ROCK2: variants seen among roughly 807,000 people sequenced by gnomAD.
ROCK2 encodes Rho associated coiled-coil containing protein kinase 2.
A neutral mutation model predicts 195.1 loss-of-function variants in ROCK2; 61 were observed. The ratio of observed to expected loss-of-function variants is 0.31; its 90% CI spans 0.25 to 0.39. The LOEUF is 0.39. ROCK2 is among the 10% of genes least tolerant of loss of function. The pLI, the probability that ROCK2 is intolerant of heterozygous loss-of-function variation, is 1.00. For missense variants in ROCK2, 1,109 were observed against 1,637.4 expected, an observed-to-expected ratio of 0.68 and a Z score of 5.57; for synonymous variants, 504 against 545.5, an observed-to-expected ratio of 0.92 and a Z score of 1.06.
chr2:11,283,622 A>G (rs1400719199), intron 3 of ROCK2, among the ~76,000 whole-genome samples: 1 of 151,808 alleles, frequency 6.6e-6, no homozygotes, highest in African/African-American at 2.4e-5. Flanking sequence ...AGATATACAG[A>G]TGGCAAATAA....
intron 3 of ROCK2, among the ~76,000 whole-genome samples, chr2:11,253,969 T>C (rs1259295257): frequency 6.6e-6 from 1 of 152,224 alleles, no homozygotes; most frequent in Non-Finnish European, 1.5e-5. Context: ...AATCATAAAA[T>C]GCTACGCCTC....
Position 11,194,354 on chromosome 2 carries a change from CAG to C in ROCK2, c.3520-12_3520-11del. 1 of 1,238,260 alleles carries C rather than the reference CAG, an allele frequency of 8.1e-7. No homozygotes were observed. The highest frequency in any genetic ancestry group is 2.0e-5 in the South Asian group (1 of 50,738). The allele number at this position is 1,238,260 out of a possible 1,614,324, so 76.7% of individuals were successfully genotyped here. ...TGCTTACAATCACATACTGTTAAAA[CAG>C]GGAGAAAAGAAATCAGTAATTCAAG... is the stretch of plus-strand genomic sequence containing the variant. On this transcript the variant is annotated splice_polypyrimidine_tract_variant and intron_variant, in intron 28 of 32. Transcript: ENST00000315872.
intron 17 of ROCK2, among the ~76,000 whole-genome samples, chr2:11,212,080 T>C (rs972463081): frequency 6.6e-6 from 1 of 151,796 alleles, no homozygotes; most frequent in Non-Finnish European, 1.5e-5. Flanking sequence ...CTAATTTATT[T>C]TATTTTATTT....
intron 2 of ROCK2, 73 bp from the exon 3 acceptor site, chr2:11,286,712 A>T: frequency 1.1e-6 from 1 of 930,050 alleles, no homozygotes; most frequent in Non-Finnish European, 1.6e-6. Context: ...ATTTATAAAT[A>T]TATTTTTGTT....
In ROCK2 at chr2:11,308,844, T is replaced by C. The variant is rs559546204; in HGVS notation, c.142-21108A>G. 9.9e-6 allele frequency: 16 copies of C among 1,611,876 alleles called. No individual in the cohort carries two copies. The South Asian group carries it at 1.8e-4, about 18-fold the overall frequency. ...AAACTTGGGCCAAATGTAATAGAAC[T>C]ATACAAGAAACCCACTGACTTTAAA... On this transcript the variant is annotated intron_variant, in intron 1 of 32. Coordinates refer to ENST00000315872, the MANE Select transcript of ROCK2 (RefSeq NM_004850.5).
At chr2:11,195,790 T>C (rs568650773) in intron 27 of ROCK2, among the ~76,000 whole-genome samples, 13 of 152,214 alleles carry the variant, frequency 8.5e-5, no homozygotes, top group Non-Finnish European at 1.9e-4. Context: ...GCTAGGATTA[T>C]AGGCATGAGC....
chr2:11,215,681 T>C, intron 13 of ROCK2, 36 bp from the exon 14 acceptor site: 1 of 1,531,442 alleles, frequency 6.5e-7, no homozygotes, highest in Non-Finnish European at 8.8e-7. Context: ...CAAAAAAGTA[T>C]GTATAAAAAT....
rs1429627024 is a variant in ROCK2 at position 11,214,856 on chromosome 2, T to C, written c.1920A>G (p.Ile640Met). The C allele has an allele frequency of 1.9e-6, 3 of 1,609,286 alleles. No homozygotes were observed. The highest frequency in any genetic ancestry group is 2.5e-6 in the Non-Finnish European group (3 of 1,178,378). Residue 640 changes from isoleucine (I) to methionine (M), a missense_variant, in exon 16 of 33, where the codon ATA (isoleucine) becomes ATG (methionine). Ile to Met is a conservative substitution (Grantham distance 10). This residue lies in a region of ROCK2 where 542 missense variants were observed against 672.0 expected (regional missense o/e 0.81). Coordinates refer to ENST00000315872, the MANE Select transcript of ROCK2 (RefSeq NM_004850.5). Reference sequence around the variant, plus strand: ...CTTCAATACCTTGTAAATCATTAATTATCTCTGATCCATGGGTTCGATCCC... The same window carrying C: ...CTTCAATACCTTGTAAATCATTAATCATCTCTGATCCATGGGTTCGATCCC... Reference protein sequence around the residue: ...ERRDRTHGSEIINDLQGRICG... With the variant: ...ERRDRTHGSEMINDLQGRICG...
chr2:11,331,815 A>G (rs1668776193), intron 1 of ROCK2, among the ~76,000 whole-genome samples: 1 of 152,092 alleles, frequency 6.6e-6, no homozygotes, highest in Non-Finnish European at 1.5e-5. Context: ...AATTCCAGCT[A>G]CTCGGGAGGC....
At chr2:11,293,750 C>A (rs1206290977) in intron 1 of ROCK2, among the ~76,000 whole-genome samples, 2 of 152,066 alleles carry the variant, frequency 1.3e-5, no homozygotes, top group Non-Finnish European at 2.9e-5. Flanking sequence ...AGGGTTCTCC[C>A]TCAAATTTTG....
intron 3 of ROCK2, among the ~76,000 whole-genome samples, chr2:11,276,794 T>C (rs1346958378): frequency 6.6e-6 from 1 of 152,198 alleles, no homozygotes; most frequent in Non-Finnish European, 1.5e-5. Flanking sequence ...TGTGTGTGTA[T>C]GTATACATAT....
chr2:11,306,668 T>C (rs562184579), intron 1 of ROCK2, among the ~76,000 whole-genome samples: 3 of 152,232 alleles, frequency 2.0e-5, no homozygotes, highest in African/African-American at 7.2e-5. Context: ...CAGAAACAGG[T>C]AAAAGAACTC....
intron 32 of ROCK2, among the ~76,000 whole-genome samples, chr2:11,185,478 C>T (rs1444487258): frequency 6.6e-6 from 1 of 152,198 alleles, no homozygotes; most frequent in Non-Finnish European, 1.5e-5. Flanking sequence ...TCTGTAATCC[C>T]AGCACTTTGG....
intron 3 of ROCK2, among the ~76,000 whole-genome samples, chr2:11,252,939 T>TA (rs1665887663): frequency 7.0e-6 from 1 of 143,338 alleles, no homozygotes; most frequent in Non-Finnish European, 1.5e-5. Flanking sequence ...AACTTAAAAG[T>TA]ATAATAATAA....
chr2:11,224,815 A>C (rs767985621), intron 6 of ROCK2, among the ~76,000 whole-genome samples: 1 of 152,016 alleles, frequency 6.6e-6, no homozygotes, highest in Non-Finnish European at 1.5e-5. Context: ...GGGTCCTTTA[A>C]TGCTTGGGCT....
intron 20 of ROCK2, among the ~76,000 whole-genome samples, chr2:11,203,183 G>T (rs1663925645): frequency 1.3e-5 from 2 of 151,944 alleles, no homozygotes; most frequent in African/African-American, 4.8e-5. Context: ...GGGTTGAAAT[G>T]GTACATTAAA....
chr2:11,329,097 AAAC>A (rs1558398243), intron 1 of ROCK2, among the ~76,000 whole-genome samples: 1 of 77,786 alleles, frequency 1.3e-5, no homozygotes, highest in Non-Finnish European at 3.6e-5. Flanking sequence ...CAAAAAAAAG[AAAC>A]AAAAAAAAAT....
At chr2:11,185,765 AAAT>A (rs1362170093) in intron 32 of ROCK2, among the ~76,000 whole-genome samples, 2 of 123,282 alleles carry the variant, frequency 1.6e-5, no homozygotes, top group Non-Finnish European at 3.9e-5. Flanking sequence ...AAAAATAAAT[AAAT>A]AATAAAAAAA....
intron 1 of ROCK2, among the ~76,000 whole-genome samples, chr2:11,293,502 T>C (rs1667422450): frequency 6.6e-6 from 1 of 152,156 alleles, no homozygotes. Flanking sequence ...ACAGGAGCAA[T>C]AGGAATGTTT....
Sources: gnomAD v4.1 joint callset for allele counts (sites outside exome capture counted in the v4.1 genomes callset) on GRCh38, gnomAD v4.1.1 for gene constraint, gnomAD v4.1.1 regional missense constraint, MANE v1.5 for transcripts, NCBI Gene and HGNC (gene_info 2026-07-23, HGNC 2026-07-21) for gene names.